Variants in CTNNA3 observed in about 807,000 individuals in gnomAD.
CTNNA3 encodes the protein catenin alpha-3.
In CTNNA3, 76 loss-of-function variants were observed where a neutral mutation model predicts 95.7. That is an observed-to-expected ratio of 0.79 (90% CI 0.66 to 0.96). The LOEUF (loss-of-function observed/expected upper bound fraction) is 0.96, where lower values mean the gene tolerates loss of function less well. CTNNA3 is among the 40% of genes least tolerant of loss of function. The probability of loss-of-function intolerance (pLI) is 0.00; values close to 1 mark genes in which losing one functional copy is unlikely to be tolerated. For synonymous variants in CTNNA3, 431 were observed against 374.4 expected (o/e 1.15, Z -1.74); for missense variants, 1,191 against 1,089.8 (o/e 1.09, Z -1.31).
At chr10:67,160,524 A>G (rs1861492517) in intron 7 of CTNNA3, among the ~76,000 whole-genome samples, 1 of 146,688 alleles carries the variant, frequency 6.8e-6, no homozygotes, top group Non-Finnish European at 1.5e-5. Flanking sequence ...TGCAGCCTCG[A>G]CCACTTGGGC....
At chr10:67,593,640 G>C (rs753739067) in intron 3 of CTNNA3, among the ~76,000 whole-genome samples, 1 of 152,138 alleles carries the variant, frequency 6.6e-6, no homozygotes, top group Non-Finnish European at 1.5e-5. Flanking sequence ...TTGTTTATCA[G>C]GTCTAGGAGC....
At chr10:67,393,021 C>A (rs1272083805) in intron 5 of CTNNA3, among the ~76,000 whole-genome samples, 3 of 150,150 alleles carry the variant, frequency 2.0e-5, no homozygotes, top group African/African-American at 7.4e-5. Flanking sequence ...CTAGCCTGCA[C>A]AATGTACACA....
chr10:67,735,127 GCA>G (rs563123022), intron 1 of CTNNA3, among the ~76,000 whole-genome samples: 6 of 108,378 alleles, frequency 5.5e-5, no homozygotes, highest in East Asian at 3.6e-4. Flanking sequence ...CAGCAAGTGA[GCA>G]CACACACACA....
chr10:67,014,841 G>GA (rs1235348075), intron 7 of CTNNA3, among the ~76,000 whole-genome samples: 4 of 152,020 alleles, frequency 2.6e-5, no homozygotes, highest in Middle Eastern at 6.8e-3. Flanking sequence ...TACCAAGGTA[G>GA]AAAAATGGTC....
intron 15 of CTNNA3, among the ~76,000 whole-genome samples, chr10:66,015,420 C>T (rs1352704421): frequency 1.3e-5 from 2 of 152,170 alleles, no homozygotes; most frequent in African/African-American, 4.8e-5. Flanking sequence ...ACACCACTTG[C>T]TTTTGTGAAT....
At chr10:66,753,516 G>T (rs1171879156) in intron 9 of CTNNA3, among the ~76,000 whole-genome samples, 1 of 151,886 alleles carries the variant, frequency 6.6e-6, no homozygotes, top group Non-Finnish European at 1.5e-5. Flanking sequence ...CACAAAATTA[G>T]CCAGGCGTGG....
chr10:65,988,005 G>A (rs796815562), intron 16 of CTNNA3, among the ~76,000 whole-genome samples: 17 of 152,220 alleles, frequency 1.1e-4, no homozygotes, highest in African/African-American at 3.9e-4. Flanking sequence ...TTAATGAATA[G>A]AATAATGGTT....
intron 9 of CTNNA3, among the ~76,000 whole-genome samples, chr10:66,735,740 G>T (rs989890738): frequency 1.3e-5 from 2 of 151,920 alleles, no homozygotes; most frequent in South Asian, 4.2e-4. Context: ...AATTGAAGAG[G>T]ATATTATAGA....
chr10:66,798,364 T>G (rs559231460), intron 7 of CTNNA3, among the ~76,000 whole-genome samples: 10 of 151,104 alleles, frequency 6.6e-5, no homozygotes, highest in Non-Finnish European at 1.3e-4. Flanking sequence ...AGGATAAGGA[T>G]AGCTTAAAAA....
chr10:65,944,057 G>A (rs968803680), intron 17 of CTNNA3, among the ~76,000 whole-genome samples: 3 of 152,146 alleles, frequency 2.0e-5, no homozygotes, highest in African/African-American at 7.2e-5. Flanking sequence ...AATGTCCCTA[G>A]GAATTGTTGC....
At chr10:66,432,137 A>T (rs997283824) in intron 11 of CTNNA3, among the ~76,000 whole-genome samples, 3 of 152,186 alleles carry the variant, frequency 2.0e-5, no homozygotes, top group Middle Eastern at 3.4e-3. Flanking sequence ...AATAATAAAA[A>T]ACAAATTTAG....
intron 17 of CTNNA3, among the ~76,000 whole-genome samples, chr10:65,932,330 C>T (rs1241077666): frequency 5.3e-5 from 8 of 152,144 alleles, no homozygotes; most frequent in African/African-American, 1.7e-4. Flanking sequence ...AATAACACTC[C>T]TTTATCAATT....
chr10:67,219,956 T>C (rs1864576048), intron 5 of CTNNA3, 86 bp from the exon 6 acceptor site: 5 of 1,105,608 alleles, frequency 4.5e-6, no homozygotes, highest in Middle Eastern at 3.1e-4. Context: ...TTTGTAAGTA[T>C]AAATGAAAAG....
intron 7 of CTNNA3, among the ~76,000 whole-genome samples, chr10:66,977,050 C>T (rs894261056): frequency 9.9e-5 from 15 of 152,060 alleles, no homozygotes; most frequent in African/African-American, 2.9e-4. Context: ...TTGATAGTTC[C>T]ATTGTCTAAA....
chr10:66,528,025 C>T (rs545384992), intron 10 of CTNNA3, among the ~76,000 whole-genome samples: 1 of 152,258 alleles, frequency 6.6e-6, no homozygotes, highest in South Asian at 2.1e-4. Context: ...GTACACAGAA[C>T]TCCAAGGAAC....
chr10:67,447,237 G>C (rs1846787900), intron 5 of CTNNA3, among the ~76,000 whole-genome samples: 1 of 152,246 alleles, frequency 6.6e-6, no homozygotes, highest in African/African-American at 2.4e-5. Flanking sequence ...GTGCTGGGAA[G>C]TTGTCTTGCT....
intron 5 of CTNNA3, among the ~76,000 whole-genome samples, chr10:67,459,233 G>A (rs1007005498): frequency 6.6e-5 from 10 of 152,184 alleles, no homozygotes; most frequent in African/African-American, 2.4e-4. Flanking sequence ...CAATTAGTAT[G>A]AGTGTAGAAG....
At chr10:66,014,425 G>A (rs1377108708) in intron 15 of CTNNA3, among the ~76,000 whole-genome samples, 1 of 151,930 alleles carries the variant, frequency 6.6e-6, no homozygotes, top group East Asian at 1.9e-4. Flanking sequence ...AAGGTTCTGT[G>A]GTAATAGCAT....
chr10:67,036,083 A>G (rs760762464), intron 7 of CTNNA3, among the ~76,000 whole-genome samples: 1 of 152,178 alleles, frequency 6.6e-6, no homozygotes, highest in Non-Finnish European at 1.5e-5. Flanking sequence ...TATTTCTATT[A>G]GAGATATTAG....
Sources: gnomAD v4.1 joint callset for allele counts (sites outside exome capture counted in the v4.1 genomes callset) on GRCh38, gnomAD v4.1.1 for gene constraint, MANE v1.5 for transcripts, NCBI Gene and HGNC (gene_info 2026-07-23, HGNC 2026-07-21) for gene names.